Variants in B3GALT1 observed in about 807,000 individuals in gnomAD.
B3GALT1 encodes beta-1,3-galactosyltransferase 1.
In B3GALT1, 10 loss-of-function variants were observed where a neutral mutation model predicts 23.2. That is an observed-to-expected ratio of 0.43 (90% CI 0.27 to 0.73). B3GALT1 has a LOEUF of 0.73. Among genes scored for constraint, B3GALT1 ranks in the 30% least tolerant of loss-of-function variants. The probability of loss-of-function intolerance (pLI) is 0.21; values close to 1 mark genes in which losing one functional copy is unlikely to be tolerated. For synonymous variants in B3GALT1, 156 were observed against 141.5 expected, an observed-to-expected ratio of 1.10 and a Z score of -0.73; for missense variants, 299 against 405.4, an observed-to-expected ratio of 0.74 and a Z score of 2.25.
At chr2:167,603,065 G>A (rs867234266) in intron 2 of B3GALT1, among the ~76,000 whole-genome samples, 3 of 152,072 alleles carry the variant, frequency 2.0e-5, no homozygotes, top group Non-Finnish European at 4.4e-5. Context: ...CTTTTCTCCC[G>A]ACAGGAAACA....
chr2:167,510,795 C>G (rs1216494050), intron 2 of B3GALT1, among the ~76,000 whole-genome samples: 1 of 152,024 alleles, frequency 6.6e-6, no homozygotes, highest in African/African-American at 2.4e-5. Flanking sequence ...CAAATTAAAG[C>G]ATTCAGGTGG....
intron 2 of B3GALT1, among the ~76,000 whole-genome samples, chr2:167,510,705 A>T (rs1457536783): frequency 6.6e-6 from 1 of 152,180 alleles, no homozygotes; most frequent in Admixed American, 6.5e-5. Flanking sequence ...ATTAACTGTG[A>T]TGGTAAAGAC....
chr2:167,717,991 A>G (rs1401724098), intron 3 of B3GALT1, among the ~76,000 whole-genome samples: 1 of 152,210 alleles, frequency 6.6e-6, no homozygotes, highest in Non-Finnish European at 1.5e-5. Flanking sequence ...TTCCTTTTGT[A>G]TGATCTGTTA....
rs77067649 is a variant in B3GALT1, at chr2:167,391,098, A to G, written c.-511+97764A>G. Among the ~76,000 whole-genome samples, 3 of 152,180 alleles carry G rather than the reference A, an allele frequency of 2.0e-5. No individual in the cohort carries two copies. In the South Asian group the frequency reaches 6.2e-4, roughly 32 times the overall value. ...ATGTGGAAAGTATGTGAAGGATTCT[A>G]GTTTGCTGGATTCCCACAGATGGAG... On this transcript the variant is annotated intron_variant, in intron 1 of 4. Coordinates refer to ENST00000392690, the MANE Select transcript of B3GALT1 (RefSeq NM_020981.4).
At chr2:167,656,157 G>T (rs1685952525) in intron 3 of B3GALT1, among the ~76,000 whole-genome samples, 1 of 152,048 alleles carries the variant, frequency 6.6e-6, no homozygotes, top group South Asian at 2.1e-4. Flanking sequence ...AGACAGTAGA[G>T]GCCTTCAAAC....
At chr2:167,415,649 G>A (rs1698457496) in intron 1 of B3GALT1, among the ~76,000 whole-genome samples, 1 of 152,172 alleles carries the variant, frequency 6.6e-6, no homozygotes, top group African/African-American at 2.4e-5. Context: ...GGAAATGTTT[G>A]TAACTCCTTA....
At chr2:167,389,009 C>A (rs1285341094) in intron 1 of B3GALT1, among the ~76,000 whole-genome samples, 1 of 151,978 alleles carries the variant, frequency 6.6e-6, no homozygotes, top group East Asian at 1.9e-4. Context: ...TGTAAATTAT[C>A]TTTTTTTTCC....
intron 3 of B3GALT1, among the ~76,000 whole-genome samples, chr2:167,804,237 G>T (rs559666306): frequency 2.0e-5 from 3 of 152,208 alleles, no homozygotes; most frequent in Admixed American, 2.0e-4. Context: ...TGATCTGCGA[G>T]CCTCGGCCGC....
rs1198528848 is a variant in B3GALT1, at chr2:167,714,228, A to G, written c.-352+67262A>G. 10 of 1,503,092 alleles carry G rather than the reference A, an allele frequency of 6.7e-6. No individual in the cohort carries two copies. The East Asian group carries it at 1.8e-4, about 27-fold the overall frequency. 93.1% of individuals were successfully genotyped at this position (1,503,092 alleles called of 1,614,324 possible). A position where few individuals can be genotyped will look rare whatever the true frequency, so the allele number is the denominator to read the frequency against. On this transcript the variant is annotated intron_variant, in intron 3 of 4. Coordinates refer to ENST00000392690, the MANE Select transcript of B3GALT1 (RefSeq NM_020981.4). ...TGTGGAGGAAGAGCTGAATCAGGATATGATTGTCCTGGTGGAGGAAACATC... is the reference window on the plus strand; with the variant it reads ...TGTGGAGGAAGAGCTGAATCAGGATGTGATTGTCCTGGTGGAGGAAACATC...
intron 1 of B3GALT1, among the ~76,000 whole-genome samples, chr2:167,373,684 T>A (rs1341498810): frequency 6.6e-6 from 1 of 152,172 alleles, no homozygotes; most frequent in East Asian, 1.9e-4. Context: ...CTCAGTGTTC[T>A]GAGTAGCTGA....
In B3GALT1 at chr2:167,872,860, G is replaced by C. The variant is rs1487901358; in HGVS notation, c.*2840G>C. 2 of 152,102 alleles carry C rather than the reference G, an allele frequency of 1.3e-5. No homozygotes were observed. The highest frequency in any genetic ancestry group is 2.9e-5 in the Non-Finnish European group (2 of 68,026). The allele number at this position is 152,102 out of a possible 1,614,324, so 9.4% of individuals were successfully genotyped here. ...AAGGCATTTTTTCTTCTCCCCAACT[G>C]TATGTATAGCTAGAATCTGCTTGCT... On this transcript the variant is annotated 3_prime_UTR_variant, in exon 5 of 5. Coordinates refer to ENST00000392690, the MANE Select transcript of B3GALT1 (RefSeq NM_020981.4).
At chr2:167,300,009 TC>T (rs1696420440) in intron 1 of B3GALT1, among the ~76,000 whole-genome samples, 1 of 152,046 alleles carries the variant, frequency 6.6e-6, no homozygotes, top group Non-Finnish European at 1.5e-5. Context: ...TTCAAGCAAT[TC>T]TCCTGCCTCA....
intron 1 of B3GALT1, among the ~76,000 whole-genome samples, chr2:167,358,781 ATTCT>A (rs1697456860): frequency 6.6e-6 from 1 of 152,138 alleles, no homozygotes. Context: ...AGAGGCTGTA[ATTCT>A]TATTAACAAT....
At chr2:167,346,745 TG>T (rs202176994) in intron 1 of B3GALT1, among the ~76,000 whole-genome samples, 1,957 of 35,510 alleles carry the variant, frequency 0.055, 46 homozygotes, top group East Asian at 0.099. Flanking sequence ...TGTGTGTGTG[TG>T]GGGGGGGGGT....
At chr2:167,839,723 C>G (rs1034067493) in intron 4 of B3GALT1, among the ~76,000 whole-genome samples, 5 of 152,204 alleles carry the variant, frequency 3.3e-5, no homozygotes, top group Admixed American at 6.5e-5. Context: ...CTTGTCAAGT[C>G]AATCCTAAGC....
At chr2:167,460,092 C>T (rs1247413975) in intron 1 of B3GALT1, among the ~76,000 whole-genome samples, 1 of 151,988 alleles carries the variant, frequency 6.6e-6, no homozygotes, top group African/African-American at 2.4e-5. Flanking sequence ...GGTGTGAATC[C>T]GTTTGAGTTC....
intron 3 of B3GALT1, among the ~76,000 whole-genome samples, chr2:167,765,643 G>A (rs1687964590): frequency 6.6e-6 from 1 of 152,192 alleles, no homozygotes; most frequent in Middle Eastern, 3.4e-3. Context: ...TTAAAAACCA[G>A]CATTAATACA....
At chr2:167,751,354 A>G (rs966890240) in intron 3 of B3GALT1, among the ~76,000 whole-genome samples, 1 of 152,204 alleles carries the variant, frequency 6.6e-6, no homozygotes, top group African/African-American at 2.4e-5. Flanking sequence ...TACTTGAGTA[A>G]AAGGCAGAAG....
At chr2:167,469,869 A>G (rs1464044561) in intron 1 of B3GALT1, among the ~76,000 whole-genome samples, 3 of 152,182 alleles carry the variant, frequency 2.0e-5, no homozygotes, top group Non-Finnish European at 4.4e-5. Context: ...TGACTAGCCT[A>G]TTATGTCAGA....
Sources: allele counts gnomAD v4.1 joint callset (sites outside exome capture counted in the v4.1 genomes callset), GRCh38; gene constraint gnomAD v4.1.1; transcripts MANE v1.5; gene names NCBI Gene and HGNC (gene_info 2026-07-23, HGNC 2026-07-21).